The following VCPKMT variants were observed in gnomAD, a reference collection of about 807,000 sequenced individuals.
The protein encoded by VCPKMT is valosin containing protein lysine methyltransferase.
A neutral mutation model predicts 28.6 loss-of-function variants in VCPKMT; 32 were observed. The ratio of observed to expected loss-of-function variants is 1.12; its 90% CI spans 0.84 to 1.50. The LOEUF is 1.50. Ranked by LOEUF, VCPKMT falls within the 40% of genes most tolerant of loss-of-function variation. The pLI is 0.00. For missense variants in VCPKMT, 366 were observed against 285.0 expected, an observed-to-expected ratio of 1.28 and a Z score of -2.05; for synonymous variants, 138 against 111.4, an observed-to-expected ratio of 1.24 and a Z score of -1.50.
intron 4 of VCPKMT, chr14:50,113,240 C>T (rs1181585627): frequency 1.3e-5 from 2 of 152,190 alleles, no homozygotes; most frequent in Non-Finnish European, 2.9e-5. Flanking sequence ...ATGCATTTTA[C>T]ATATGCTTTA....
In VCPKMT at chr14:50,114,299, T is replaced by G. The variant is rs201511727; in HGVS notation, c.556A>C (p.Lys186Gln). The G allele has an allele frequency of 1.3e-6, 2 of 1,582,892 alleles. No homozygotes were observed. Among genetic ancestry groups the G allele is most frequent in the East Asian group, 4.5e-5 (2 of 44,112 alleles). ...TTAATACTTACCTCAAAATATTTTT[T>G]CTCAATTTCTGGATTTTTCCCCATT... is the stretch of plus-strand genomic sequence containing the variant. ...RTMGKNPEIE[K>Q]KYFELLQLDF... The change falls in exon 4 of 6, where the codon AAA (lysine) becomes CAA (glutamine). Residue 186 changes from lysine to glutamine, a missense_variant. By Grantham distance (53) the Lys-to-Gln change is moderately conservative. Transcript: ENST00000395860.
intron 4 of VCPKMT, among the ~76,000 whole-genome samples, chr14:50,113,779 C>T (rs1456593830): frequency 1.6e-5 from 1 of 61,124 alleles, no homozygotes; most frequent in Non-Finnish European, 3.2e-5. Context: ...GCCTATAGTC[C>T]CACTTACTTG....
rs1207896528 is a variant in VCPKMT at position 50,109,285 on chromosome 14, T to C, written c.*414A>G. On this transcript the variant is annotated 3_prime_UTR_variant, in exon 6 of 6. Coordinates refer to ENST00000395860, the MANE Select transcript of VCPKMT (RefSeq NM_024558.3). ...TAAACTCTGAAGACAAACTAAAATT[T>C]ACTAGTTTGAATTTAAAACATTATT... 3 of 985,790 alleles carry C rather than the reference T, an allele frequency of 3.0e-6. No individual in the cohort carries two copies. The highest frequency in any genetic ancestry group is 6.1e-5 in the Admixed American group (1 of 16,494). 61.1% of individuals were successfully genotyped at this position (985,790 alleles called of 1,614,324 possible).
At chr14:50,113,277 G>A (rs948793282) in intron 4 of VCPKMT, 4 of 152,094 alleles carry the variant, frequency 2.6e-5, no homozygotes, top group Admixed American at 1.3e-4. Flanking sequence ...TTAACAGTAC[G>A]AAATTTTCAT....
downstream of VCPKMT, chr14:50,106,511 C>T (rs918975760): frequency 1.0e-5 from 10 of 977,974 alleles, no homozygotes; most frequent in East Asian, 1.1e-4. Flanking sequence ...TCTTCTAACC[C>T]TCAATTCATG....
chr14:50,114,109 C>G (rs896293694), intron 4 of VCPKMT, among the ~76,000 whole-genome samples, 176 bp downstream of exon 4: 1 of 152,102 alleles, frequency 6.6e-6, no homozygotes, highest in African/African-American at 2.4e-5. Context: ...AATAAAGTAT[C>G]AGAAAAGATG....
At chr14:50,103,483 G>C in the VCPKMT span, among the ~76,000 whole-genome samples, 1 of 152,156 alleles carries the variant, frequency 6.6e-6, no homozygotes, top group Non-Finnish European at 1.5e-5. Context: ...TCTGGTCTCA[G>C]GTTTAGCAAA....
chr14:50,103,933 T>C (rs537384721), downstream of VCPKMT, among the ~76,000 whole-genome samples: 11 of 152,334 alleles, frequency 7.2e-5, no homozygotes, highest in South Asian at 2.1e-3. Context: ...TATTGAACAC[T>C]TACTATGTGC....
Position 50,112,649 on chromosome 14 carries a change from T to C in VCPKMT, c.641A>G (p.Asp214Gly), listed in dbSNP as rs749755351. ...CTTTCTGATGTATATAATATGAATA[T>C]CTTCACTTCGATACTCTTCATCATG... ...EKHDEEYRSEDIHIIYIRKKK... is the reference protein window; with the variant it reads ...EKHDEEYRSEGIHIIYIRKKK... The change falls in exon 5 of 6, where the codon GAT (aspartate) becomes GGT (glycine). Residue 214 changes from aspartate (D) to glycine (G), a missense_variant. By Grantham distance (94) the Asp-to-Gly change is moderately conservative (BLOSUM62 -1). Transcript: ENST00000395860. 1.3e-6 allele frequency: 2 copies of C among 1,569,862 alleles called. No homozygotes were observed. The highest frequency in any genetic ancestry group is 1.2e-5 in the South Asian group (1 of 86,118).
chr14:50,112,963 T>A (rs1322994826), intron 4 of VCPKMT, among the ~76,000 whole-genome samples: 1 of 152,166 alleles, frequency 6.6e-6, no homozygotes, highest in Non-Finnish European at 1.5e-5. Flanking sequence ...AATTTTTGTA[T>A]TTTTAGTAAA....
At chr14:50,113,010 A>C (rs1882811335) in intron 4 of VCPKMT, among the ~76,000 whole-genome samples, 1 of 152,044 alleles carries the variant, frequency 6.6e-6, no homozygotes, top group African/African-American at 2.4e-5. Flanking sequence ...CTGGTCTCGA[A>C]CTCCTGACCT....
In VCPKMT at chr14:50,109,543, C is replaced by T. The variant is rs1242291755; in HGVS notation, c.*156G>A. ...AAGCAGGAATTTTTCGTATTGCAGACAGCCCCTGGTGGTCATCATCTATAC... is the reference window on the plus strand; with the variant it reads ...AAGCAGGAATTTTTCGTATTGCAGATAGCCCCTGGTGGTCATCATCTATAC... On this transcript the variant is annotated 3_prime_UTR_variant, in exon 6 of 6. Coordinates refer to ENST00000395860, the MANE Select transcript of VCPKMT (RefSeq NM_024558.3). 6 of 1,331,056 alleles carry T rather than the reference C, an allele frequency of 4.5e-6. No individual in the cohort carries two copies. Among genetic ancestry groups the T allele is most frequent in the Non-Finnish European group, 4.8e-6 (5 of 1,042,566 alleles). The allele number at this position is 1,331,056 out of a possible 1,614,324, so 82.5% of individuals were successfully genotyped here.
chr14:50,107,282 T>C (rs922659292), downstream of VCPKMT, among the ~76,000 whole-genome samples: 4 of 152,112 alleles, frequency 2.6e-5, no homozygotes, highest in African/African-American at 9.7e-5. Context: ...ACTTCAGTTT[T>C]GGCCTTATTC....
chr14:50,116,318 C>A lies in VCPKMT; in HGVS notation c.235G>T (p.Gly79Trp). The A allele has an allele frequency of 6.2e-7, 1 of 1,608,722 alleles. No individual in the cohort carries two copies. The highest frequency in any genetic ancestry group is 8.5e-7 in the Non-Finnish European group (1 of 1,177,680). Residue 79 changes from glycine (G) to tryptophan (W), a missense_variant, in exon 1 of 6, where the codon GGG becomes TGG. Coordinates refer to ENST00000395860, the MANE Select transcript of VCPKMT (RefSeq NM_024558.3). The stretch of plus-strand genomic sequence containing the variant: ...GTAGCAGCCATGAGCCCCACGGCCC[C>A]GGTGCCCGAACCCAGCTCCAGCACC... ...RSVLELGSGTGAVGLMAATLG... is the reference protein window; with the variant it reads ...RSVLELGSGTWAVGLMAATLG...
downstream of VCPKMT, among the ~76,000 whole-genome samples, chr14:50,105,612 CAGAGTG>C (rs535269946): frequency 1.2e-4 from 18 of 152,316 alleles, no homozygotes; most frequent in East Asian, 3.3e-3. Flanking sequence ...GCCTGGGTGA[CAGAGTG>C]AGAGTCCGTC....
At chr14:50,103,254 TAGCCTGAG>T in the VCPKMT span, among the ~76,000 whole-genome samples, 762 of 143,676 alleles carry the variant, frequency 5.3e-3, 5 homozygotes, top group African/African-American at 0.02. Context: ...CATGGTCAGT[TAGCCTGAG>T]GAATTAGTTA....
chr14:50,103,438 T>C, the VCPKMT span, among the ~76,000 whole-genome samples: 1 of 152,126 alleles, frequency 6.6e-6, no homozygotes, highest in Non-Finnish European at 1.5e-5. Flanking sequence ...TTCAGAAAAA[T>C]GACTTTCTGC....
downstream of VCPKMT, chr14:50,106,674 T>C (rs1209780378): frequency 1.0e-6 from 1 of 980,598 alleles, no homozygotes; most frequent in African/African-American, 1.8e-5. Context: ...TCTCCCATAC[T>C]TGCAAACATC....
intron 5 of VCPKMT, 79 bp from the exon 6 acceptor site, chr14:50,109,792 C>T (rs1037144987): frequency 9.5e-6 from 14 of 1,478,254 alleles, no homozygotes; most frequent in African/African-American, 2.8e-5. Flanking sequence ...GCCTAATATG[C>T]CTCATAATGC....
Sources: gnomAD v4.1 joint callset for allele counts (sites outside exome capture counted in the v4.1 genomes callset) on GRCh38, gnomAD v4.1.1 for gene constraint, MANE v1.5 for transcripts, NCBI Gene and HGNC (gene_info 2026-07-23, HGNC 2026-07-21) for gene names.